Variants in PPP1R9A observed in about 807,000 individuals in gnomAD.
PPP1R9A encodes protein phosphatase 1 regulatory subunit 9A.
In PPP1R9A, 59 loss-of-function variants were observed where a neutral mutation model predicts 141.9. That is an observed-to-expected ratio of 0.42 (90% CI 0.34 to 0.52). The LOEUF (loss-of-function observed/expected upper bound fraction) is 0.52, where lower values mean the gene tolerates loss of function less well. Ranked by LOEUF, PPP1R9A falls within the 20% of genes least tolerant of loss-of-function variation. The pLI, the probability that PPP1R9A is intolerant of heterozygous loss-of-function variation, is 0.10. For missense variants in PPP1R9A, 1,444 were observed against 1,611.9 expected (o/e 0.90, Z 1.78); for synonymous variants, 500 against 569.7 (o/e 0.88, Z 1.74).
At chr7:95,128,481 A>G (rs1823971217) in intron 4 of PPP1R9A, among the ~76,000 whole-genome samples, 1 of 152,150 alleles carries the variant, frequency 6.6e-6, no homozygotes. Context: ...TACTCTGTTG[A>G]TAATTTATTT....
At chr7:95,093,887 G>A (rs1246703177) in intron 2 of PPP1R9A, among the ~76,000 whole-genome samples, 2 of 152,214 alleles carry the variant, frequency 1.3e-5, no homozygotes, top group East Asian at 1.9e-4. Context: ...TTGTTCAGAA[G>A]TGGTTCTGAT....
intron 7 of PPP1R9A, among the ~76,000 whole-genome samples, chr7:95,212,327 A>T (rs931323061): frequency 4.6e-5 from 7 of 152,074 alleles, no homozygotes; most frequent in Admixed American, 3.3e-4. Context: ...GTCTTTTCTT[A>T]AAAATAAAGA....
At chr7:95,037,519 T>A (rs1444354335) in intron 2 of PPP1R9A, among the ~76,000 whole-genome samples, 1 of 152,178 alleles carries the variant, frequency 6.6e-6, no homozygotes, top group East Asian at 1.9e-4. Context: ...AGTTAAATAA[T>A]CAACTTAGTA....
In PPP1R9A at chr7:95,198,437, G is replaced by T. The variant is rs1163087581; in HGVS notation, c.1843G>T (p.Glu615Ter). 1.2e-6 allele frequency: 2 copies of T among 1,613,076 alleles called. No homozygotes were observed. Among genetic ancestry groups the T allele is most frequent in the Admixed American group, 3.3e-5 (2 of 59,754 alleles). Residue 615 changes from glutamate (E) to a stop codon, truncating the protein, a stop_gained, in exon 6 of 20, where the codon GAG becomes TAG. Coordinates refer to ENST00000433360, the MANE Select transcript of PPP1R9A (RefSeq NM_001166160.2). LOFTEE classifies it high-confidence loss of function. ...QTLEQERRQR[E>*]LLEQHYAQYD... ...ACTGGAACAGGAGAGGCGCCAGAGA[G>T]AGCTGCTGGAACAGCACTATGCCCA...
rs138045647 is a variant in PPP1R9A at position 95,240,050 on chromosome 7, C to G, written c.2113-7423C>G. Among the ~76,000 whole-genome samples, 1,066 of 152,006 alleles carry G rather than the reference C, an allele frequency of 7.0e-3. 27 individuals are homozygous for G. The highest frequency in any genetic ancestry group is 0.039 in the Admixed American group (599 of 15,244). On this transcript the variant is annotated intron_variant, in intron 8 of 19. Coordinates refer to ENST00000433360, the MANE Select transcript of PPP1R9A (RefSeq NM_001166160.2). ...AGAATAATTTCTTCATTCTTATATT[C>G]TGAATTTTTTCTCATTCTCAGAGTA... is the stretch of plus-strand genomic sequence containing the variant.
intron 2 of PPP1R9A, among the ~76,000 whole-genome samples, chr7:94,960,685 A>C (rs1797538991): frequency 3.3e-5 from 5 of 151,928 alleles, no homozygotes; most frequent in African/African-American, 1.2e-4. Context: ...ACTGTTATTC[A>C]GTAAAGTTAA....
At chr7:95,193,020 A>G (rs1041785736) in intron 5 of PPP1R9A, among the ~76,000 whole-genome samples, 1 of 152,104 alleles carries the variant, frequency 6.6e-6, no homozygotes, top group African/African-American at 2.4e-5. Flanking sequence ...AAATTCTTTC[A>G]TGTATGTACC....
intron 4 of PPP1R9A, among the ~76,000 whole-genome samples, chr7:95,154,240 T>G (rs1468223096): frequency 1.3e-5 from 2 of 152,086 alleles, no homozygotes; most frequent in Non-Finnish European, 2.9e-5. Flanking sequence ...TTCAATAAAT[T>G]TTTATATTTG....
At chr7:95,048,472 T>G (rs1810337090) in intron 2 of PPP1R9A, among the ~76,000 whole-genome samples, 1 of 152,144 alleles carries the variant, frequency 6.6e-6, no homozygotes, top group Admixed American at 6.6e-5. Context: ...GGGTAAATTT[T>G]CTGGAGAAAT....
chr7:94,942,849 AT>A (rs1795492368), intron 2 of PPP1R9A, among the ~76,000 whole-genome samples: 5 of 146,702 alleles, frequency 3.4e-5, no homozygotes, highest in Admixed American at 6.7e-5. Context: ...AAATAAATAA[AT>A]AAATAAAAGT....
At chr7:94,954,007 G>A (rs1346179614) in intron 2 of PPP1R9A, among the ~76,000 whole-genome samples, 5 of 152,154 alleles carry the variant, frequency 3.3e-5, no homozygotes. Flanking sequence ...TTGAATAGGA[G>A]TGGTGAGAGA....
At chr7:94,947,418 T>A (rs1447995643) in intron 2 of PPP1R9A, among the ~76,000 whole-genome samples, 1 of 152,186 alleles carries the variant, frequency 6.6e-6, no homozygotes, top group Non-Finnish European at 1.5e-5. Context: ...ATCCTGAGCC[T>A]AAGTCCTAGC....
At position 95,003,918 on chromosome 7, in the gene PPP1R9A, C is replaced by G. The variant is rs1223039956; in HGVS notation, c.1395+92410C>G. 5.9e-5 allele frequency among the ~76,000 whole-genome samples: 9 copies of G among 152,284 alleles called. No homozygotes were observed. The East Asian group carries it at 1.7e-3, about 29-fold the overall frequency. On this transcript the variant is annotated intron_variant, in intron 2 of 19. Transcript: ENST00000433360. Reference sequence around the variant, plus strand: ...AGTGACCTGTAGATTAGCTACCCATCTGTACTTATTCTAAAAGATCAAGGT... The same window carrying G: ...AGTGACCTGTAGATTAGCTACCCATGTGTACTTATTCTAAAAGATCAAGGT...
intron 2 of PPP1R9A, among the ~76,000 whole-genome samples, chr7:95,021,313 G>A (rs969647654): frequency 8.6e-6 from 1 of 116,202 alleles, no homozygotes; most frequent in Non-Finnish European, 2.0e-5. Flanking sequence ...TTTTGATGGG[G>A]TTGGTTTTTT....
chr7:94,996,827 G>T, intron 2 of PPP1R9A, among the ~76,000 whole-genome samples: 2 of 109,702 alleles, frequency 1.8e-5, no homozygotes, highest in African/African-American at 3.6e-5. Context: ...TTGAGATGGA[G>T]TTTTTGCTCT....
At chr7:95,137,959 G>A (rs1406968320) in intron 4 of PPP1R9A, among the ~76,000 whole-genome samples, 1 of 146,724 alleles carries the variant, frequency 6.8e-6, no homozygotes, top group Non-Finnish European at 1.5e-5. Context: ...TTGAGACGGA[G>A]TCTTGCTTTG....
chr7:95,126,220 T>A (rs1823535196), intron 4 of PPP1R9A, among the ~76,000 whole-genome samples: 1 of 152,224 alleles, frequency 6.6e-6, no homozygotes, highest in Admixed American at 6.5e-5. Context: ...CCTGTCATTC[T>A]TCTTTGGTGG....
intron 2 of PPP1R9A, among the ~76,000 whole-genome samples, chr7:94,964,126 A>G (rs1241445359): frequency 1.3e-5 from 2 of 152,142 alleles, no homozygotes; most frequent in East Asian, 1.9e-4. Context: ...TTTGTGCTCA[A>G]AATGTTTTGA....
At chr7:95,125,077 T>C (rs1057469220) in intron 4 of PPP1R9A, among the ~76,000 whole-genome samples, 1 of 152,236 alleles carries the variant, frequency 6.6e-6, no homozygotes, top group Admixed American at 6.5e-5. Context: ...CTTTATCCTA[T>C]GATGCCTTAA....
Sources: allele counts gnomAD v4.1 joint callset (sites outside exome capture counted in the v4.1 genomes callset), GRCh38; gene constraint gnomAD v4.1.1; transcripts MANE v1.5; gene names NCBI Gene and HGNC (gene_info 2026-07-23, HGNC 2026-07-21).